The following NELL1 variants were observed in gnomAD, a reference collection of about 807,000 sequenced individuals.
NELL1 encodes protein kinase C-binding protein NELL1.
NELL1 carries 76 observed loss-of-function variants against 107.4 expected under a neutral mutation model. The ratio of observed to expected loss-of-function variants is 0.71; its 90% CI spans 0.59 to 0.86. NELL1 has a LOEUF of 0.86. NELL1 is among the 40% of genes least tolerant of loss of function. The pLI, the probability that NELL1 is intolerant of heterozygous loss-of-function variation, is 0.00. For synonymous variants in NELL1, 353 were observed against 341.2 expected (o/e 1.03, Z -0.38); for missense variants, 1,024 against 1,005.5 (o/e 1.02, Z -0.25).
intron 12 of NELL1, among the ~76,000 whole-genome samples, chr11:21,008,748 G>A (rs763536925): frequency 4.6e-5 from 7 of 152,080 alleles, no homozygotes; most frequent in African/African-American, 1.7e-4. Flanking sequence ...TGTGGGGTCT[G>A]GGGCAGAGAT....
At chr11:21,377,560 A>G (rs758117655) in intron 15 of NELL1, among the ~76,000 whole-genome samples, 20 of 152,108 alleles carry the variant, frequency 1.3e-4, no homozygotes, top group Non-Finnish European at 2.8e-4. Context: ...CTGTCTTTGT[A>G]GAATGAGTTA....
At chr11:21,534,591 G>C in intron 16 of NELL1, 77 bp downstream of exon 16, 1 of 1,454,060 alleles carries the variant, frequency 6.9e-7, no homozygotes, top group Non-Finnish European at 9.6e-7. Context: ...ACTCTGTTCA[G>C]CTCCCAGTGT....
intron 17 of NELL1, among the ~76,000 whole-genome samples, chr11:21,567,570 T>C (rs1020300635): frequency 1.3e-5 from 2 of 151,880 alleles, no homozygotes; most frequent in Admixed American, 6.6e-5. Flanking sequence ...ATGCACACGA[T>C]ACATTTTTCA....
At chr11:21,046,677 A>ATTATCTAT (rs1554962272) in intron 12 of NELL1, among the ~76,000 whole-genome samples, 1 of 143,548 alleles carries the variant, frequency 7.0e-6, no homozygotes, top group African/African-American at 2.6e-5. Flanking sequence ...TATTTACTCA[A>ATTATCTAT]TTATTTATTT....
chr11:21,359,048 G>A (rs555827245), intron 14 of NELL1, among the ~76,000 whole-genome samples: 4 of 152,150 alleles, frequency 2.6e-5, no homozygotes, highest in Admixed American at 6.6e-5. Flanking sequence ...CATTCTTGTC[G>A]TGTTCCAGTT....
At chr11:20,829,428 A>T (rs191203813) in intron 3 of NELL1, among the ~76,000 whole-genome samples, 4 of 151,922 alleles carry the variant, frequency 2.6e-5, no homozygotes, top group Non-Finnish European at 5.9e-5. Context: ...AGGTTTCACT[A>T]TCTTGGCCAG....
intron 15 of NELL1, among the ~76,000 whole-genome samples, chr11:21,492,963 G>T (rs1854868851): frequency 6.6e-6 from 1 of 151,862 alleles, no homozygotes; most frequent in African/African-American, 2.4e-5. Context: ...CATACAAATG[G>T]CCAAGAGATG....
chr11:20,705,546 TA>T (rs1489921076), intron 2 of NELL1, among the ~76,000 whole-genome samples: 3 of 143,110 alleles, frequency 2.1e-5, no homozygotes, highest in African/African-American at 8.0e-5. Context: ...ATGTTAGACC[TA>T]AAACCATAAA....
At chr11:21,354,973 T>C (rs1850900097) in intron 14 of NELL1, among the ~76,000 whole-genome samples, 2 of 152,180 alleles carry the variant, frequency 1.3e-5, no homozygotes, top group Admixed American at 1.3e-4. Flanking sequence ...TTTTCACAGA[T>C]AGCCCTTTCA....
chr11:20,909,481 A>G (rs1850077408), intron 5 of NELL1, among the ~76,000 whole-genome samples: 1 of 151,994 alleles, frequency 6.6e-6, no homozygotes, highest in Admixed American at 6.5e-5. Context: ...CATAACAAGA[A>G]CTCCAGGGCC....
At chr11:21,101,362 G>T (rs894678158) in intron 12 of NELL1, among the ~76,000 whole-genome samples, 22 of 152,112 alleles carry the variant, frequency 1.4e-4, no homozygotes, top group African/African-American at 4.8e-4. Context: ...CCAGTAATGG[G>T]ATGGCTGGGT....
chr11:20,802,298 T>A (rs1027952791), intron 3 of NELL1, among the ~76,000 whole-genome samples: 1 of 152,174 alleles, frequency 6.6e-6, no homozygotes, highest in African/African-American at 2.4e-5. Flanking sequence ...TATAGAGATC[T>A]TTCACTTTTT....
intron 14 of NELL1, among the ~76,000 whole-genome samples, chr11:21,250,515 A>G (rs1222177438): frequency 6.6e-6 from 1 of 152,138 alleles, no homozygotes; most frequent in Non-Finnish European, 1.5e-5. Context: ...ATCAGCTGCC[A>G]GCTGGATTTG....
intron 5 of NELL1, among the ~76,000 whole-genome samples, chr11:20,915,719 T>TATATATATATATATATAGATA (rs1332292027): frequency 4.1e-5 from 1 of 24,326 alleles, no homozygotes; most frequent in African/African-American, 1.5e-4. Context: ...ATATATATAT[T>TATATATATATATATATAGATA]TTTTTTTTTT....
chr11:21,378,265 GTATATATA>G (rs5790180), intron 15 of NELL1, among the ~76,000 whole-genome samples: 26,058 of 143,720 alleles, frequency 0.18, 2,415 homozygotes, highest in East Asian at 0.23. Flanking sequence ...GCATATATAT[GTATATATA>G]TATATATATA....
Position 20,918,292 on chromosome 11 carries a change from A to C in NELL1, c.676+38A>C, listed in dbSNP as rs758512267. On this transcript the variant is annotated intron_variant, in intron 6 of 19. Coordinates refer to ENST00000357134, the MANE Select transcript of NELL1 (RefSeq NM_006157.5). ...TTAAAGCATTGTGATATATTATATA[A>C]CTTGTTGATTGTATCAGAGAAACAC... 4 of 1,231,252 alleles carry C rather than the reference A, an allele frequency of 3.2e-6. No individual in the cohort carries two copies. In the East Asian group the frequency reaches 9.4e-5, roughly 29 times the overall value. The allele number at this position is 1,231,252 out of a possible 1,614,324, so 76.3% of individuals were successfully genotyped here. A position where few individuals can be genotyped will look rare whatever the true frequency, so the allele number is the denominator to read the frequency against.
chr11:21,277,305 T>G (rs376369860), intron 14 of NELL1, among the ~76,000 whole-genome samples: 5,616 of 152,122 alleles, frequency 0.037, 131 homozygotes, highest in Non-Finnish European at 0.056. Context: ...AAAATGCTCA[T>G]CATCACTGGC....
In NELL1 at chr11:21,123,798, G is replaced by A. The variant is rs541987730; in HGVS notation, c.1426+10084G>A. Among the ~76,000 whole-genome samples, 11 of 152,164 alleles carry A rather than the reference G, an allele frequency of 7.2e-5. No individual in the cohort carries two copies. In the South Asian group the frequency reaches 1.9e-3, roughly 26 times the overall value. On this transcript the variant is annotated intron_variant, in intron 13 of 19. Transcript: ENST00000357134. ...TTGTAAGAAAAAAACTGGAAGCAGC[G>A]TAAATATAAACTCATGGAAATTCGA... is the stretch of plus-strand genomic sequence containing the variant.
intron 3 of NELL1, among the ~76,000 whole-genome samples, chr11:20,835,883 G>A (rs532765165): frequency 1.3e-5 from 2 of 152,102 alleles, no homozygotes; most frequent in East Asian, 3.9e-4. Context: ...GAGCTTTTAG[G>A]TACAACATGA....
Sources: gnomAD v4.1 joint callset for allele counts (sites outside exome capture counted in the v4.1 genomes callset) on GRCh38, gnomAD v4.1.1 for gene constraint, MANE v1.5 for transcripts, NCBI Gene and HGNC (gene_info 2026-07-23, HGNC 2026-07-21) for gene names.